Variants in ZNF445 observed in about 807,000 individuals in gnomAD.
ZNF445 encodes zinc finger protein 445.
ZNF445 carries 19 observed loss-of-function variants against 93.9 expected under a neutral mutation model. The observed-to-expected ratio is 0.20, with a 90% CI of 0.14 to 0.30. The LOEUF (loss-of-function observed/expected upper bound fraction) is 0.30. ZNF445 is among the 10% of genes least tolerant of loss of function. The pLI is 1.00. For synonymous variants in ZNF445, 449 were observed against 446.3 expected (o/e 1.01, Z -0.08); for missense variants, 1,058 against 1,259.4 (o/e 0.84, Z 2.42).
At chr3:44,471,718 C>T (rs75297960) in intron 1 of ZNF445, among the ~76,000 whole-genome samples, 16,576 of 152,214 alleles carry the variant, frequency 0.11, 951 homozygotes, top group Middle Eastern at 0.19. Flanking sequence ...AAAGAAACTA[C>T]AGCCCTACTC....
chr3:44,464,300 A>G (rs756719069), intron 1 of ZNF445, among the ~76,000 whole-genome samples: 3 of 152,162 alleles, frequency 2.0e-5, no homozygotes, highest in Non-Finnish European at 4.4e-5. Context: ...CTAGAAATAC[A>G]TGCTTTCCTG....
rs201217448 is a variant in ZNF445 at position 44,465,407 on chromosome 3, T to G, written c.-268-7043A>C. 2.0e-5 allele frequency among the ~76,000 whole-genome samples: 3 copies of G among 152,214 alleles called. No homozygotes were observed. In the East Asian group the frequency reaches 5.8e-4, roughly 29 times the overall value. Reference sequence around the variant, plus strand: ...GGGTGTAAACAAGTTGGCTAAGATTTAAAAGAAATTATTTAGTTTTCCACA... The same window carrying G: ...GGGTGTAAACAAGTTGGCTAAGATTGAAAAGAAATTATTTAGTTTTCCACA... On this transcript the variant is annotated intron_variant, in intron 1 of 7. Coordinates refer to ENST00000396077, the MANE Select transcript of ZNF445 (RefSeq NM_181489.6).
intron 3 of ZNF445, among the ~76,000 whole-genome samples, chr3:44,453,191 G>A (rs539839018): frequency 2.6e-5 from 4 of 151,518 alleles, no homozygotes; most frequent in East Asian, 1.9e-4. Context: ...GATTACAGGC[G>A]TGAGCCACCG....
chr3:44,446,500 C>A lies in ZNF445; in HGVS notation c.*75G>T. ...GGCTGGGCCCTTTATCAAAGTTACT[C>A]CACAATGCCTATAATTAAGGGTTCT... On this transcript the variant is annotated 3_prime_UTR_variant, in exon 8 of 8. Coordinates refer to ENST00000396077, the MANE Select transcript of ZNF445 (RefSeq NM_181489.6). This position sits in a 1 kb window ranked among gnomAD's most constrained non-coding sequence, Gnocchi z 4.2. 1 of 1,585,126 alleles carries A rather than the reference C, an allele frequency of 6.3e-7. No individual in the cohort carries two copies. The highest frequency in any genetic ancestry group is 1.4e-5 in the African/African-American group (1 of 73,218).
intron 1 of ZNF445, among the ~76,000 whole-genome samples, chr3:44,462,187 T>C (rs945879788): frequency 2.6e-5 from 4 of 152,166 alleles, no homozygotes; most frequent in Admixed American, 2.6e-4. Context: ...CCCCTATAAG[T>C]CCACTTTTCA....
chr3:44,475,793 G>A (rs902969995), intron 1 of ZNF445, among the ~76,000 whole-genome samples: 2 of 152,140 alleles, frequency 1.3e-5, no homozygotes, highest in Non-Finnish European at 2.9e-5. Context: ...GAGGTCGGGA[G>A]TTCGAGACCA....
In ZNF445 at chr3:44,448,066, G is replaced by A; in HGVS notation, c.1605C>T (p.His535=). 6.2e-7 allele frequency: 1 copy of A among 1,612,670 alleles called. No individual in the cohort carries two copies. The highest frequency in any genetic ancestry group is 8.5e-7 in the Non-Finnish European group (1 of 1,180,026). The change falls in exon 8 of 8, where the codon CAC becomes CAT. Residue 535 remains histidine, a synonymous_variant. Transcript: ENST00000396077. The stretch of plus-strand genomic sequence containing the variant: ...CGCATTTATAAGGCTTCACTCCAGT[G>A]TGAATTTTCTCATGCCGCGCACAGT... ...SSNCARHEKI[H]TGVKPYKCDL... is the part of the protein sequence containing the mutation.
At position 44,438,123 on chromosome 3, in the gene ZNF445, G is replaced by C. The variant is rs1697726223; in HGVS notation, c.*8452C>G. ...AATTGGCAAAATTATGCAATTTGGAGAGTACTGTATCTCCTCAGTCACATT... is the reference window on the plus strand; with the variant it reads ...AATTGGCAAAATTATGCAATTTGGACAGTACTGTATCTCCTCAGTCACATT... On this transcript the variant is annotated 3_prime_UTR_variant, in exon 8 of 8. Coordinates refer to ENST00000396077, the MANE Select transcript of ZNF445 (RefSeq NM_181489.6). 6.6e-6 allele frequency: 1 copy of C among 151,536 alleles called. No homozygotes were observed. The highest frequency in any genetic ancestry group is 1.5e-5 in the Non-Finnish European group (1 of 67,970). 9.4% of individuals were successfully genotyped at this position (151,536 alleles called of 1,614,324 possible). A position where few individuals can be genotyped will look rare whatever the true frequency, so the allele number is the denominator to read the frequency against.
chr3:44,459,255 C>T (rs1002885723), intron 1 of ZNF445, among the ~76,000 whole-genome samples: 1 of 152,142 alleles, frequency 6.6e-6, no homozygotes, highest in African/African-American at 2.4e-5. Context: ...ATGTGTTTCC[C>T]TGAGTTTTGT....
At chr3:44,464,201 T>G (rs938794851) in intron 1 of ZNF445, among the ~76,000 whole-genome samples, 2 of 152,164 alleles carry the variant, frequency 1.3e-5, no homozygotes, top group African/African-American at 4.8e-5. Flanking sequence ...TTCCCTTATT[T>G]TGGGGATCCA....
At position 44,447,148 on chromosome 3, in the gene ZNF445, C is replaced by G; in HGVS notation, c.2523G>C (p.Trp841Cys). ...TAAAGGTTTTCCCACATTCTTGACA[C>G]CAAAAACGTTTCTCACCAGTGAGGA... ...PKILTGEKRF[W>C]CQECGKTFTR... The change falls in exon 8 of 8, where the codon TGG becomes TGC. Residue 841 changes from tryptophan to cysteine, a missense_variant. Trp to Cys is a radical substitution (Grantham distance 215). Transcript: ENST00000396077. This position sits in a 1 kb window ranked among gnomAD's most constrained non-coding sequence, Gnocchi z 4.7. The G allele has an allele frequency of 4.3e-6, 7 of 1,614,212 alleles. No individual in the cohort carries two copies. The highest frequency in any genetic ancestry group is 5.9e-6 in the Non-Finnish European group (7 of 1,180,046).
chr3:44,433,338 G>A lies in ZNF445; in HGVS notation c.*13237C>T, dbSNP rs1170505374. 1.3e-5 allele frequency: 2 copies of A among 152,178 alleles called. No homozygotes were observed. The highest frequency in any genetic ancestry group is 4.8e-5 in the African/African-American group (2 of 41,416). The allele number at this position is 152,178 out of a possible 1,614,324, so 9.4% of individuals were successfully genotyped here. A position where few individuals can be genotyped will look rare whatever the true frequency, so the allele number is the denominator to read the frequency against. On this transcript the variant is annotated 3_prime_UTR_variant, in exon 8 of 8. Coordinates refer to ENST00000396077, the MANE Select transcript of ZNF445 (RefSeq NM_181489.6). Reference sequence around the variant, plus strand: ...GACTGGTCTCGAACTCCCGTTCTCAGGTGATCTGCCCACCTCAGCCTCCCA... The same window carrying A: ...GACTGGTCTCGAACTCCCGTTCTCAAGTGATCTGCCCACCTCAGCCTCCCA...
In ZNF445 at chr3:44,450,495, G is replaced by C; in HGVS notation, c.772C>G (p.Leu258Val). 2.5e-6 allele frequency: 4 copies of C among 1,614,154 alleles called. No homozygotes were observed. The highest frequency in any genetic ancestry group is 8.5e-7 in the Non-Finnish European group (1 of 1,180,028). The change falls in exon 6 of 8, where the codon CTG becomes GTG. Residue 258 changes from leucine (L) to valine (V), a missense_variant. Coordinates refer to ENST00000396077, the MANE Select transcript of ZNF445 (RefSeq NM_181489.6). Reference protein sequence around the residue: ...WGWLDSAQRNLYRDVMLENYR... With the variant: ...WGWLDSAQRNVYRDVMLENYR... Reference sequence around the variant, plus strand: ...TTCTCCAGCATCACATCCCTGTACAGGTTCCTCTGAGCAGAGTCCAGCCAC... The same window carrying C: ...TTCTCCAGCATCACATCCCTGTACACGTTCCTCTGAGCAGAGTCCAGCCAC...
chr3:44,462,028 T>C (rs1575314551), intron 1 of ZNF445, among the ~76,000 whole-genome samples: 2 of 150,344 alleles, frequency 1.3e-5, no homozygotes, highest in African/African-American at 4.9e-5. Context: ...TCTGGGTAAA[T>C]GGTAAATGTC....
intron 1 of ZNF445, among the ~76,000 whole-genome samples, chr3:44,462,919 G>C (rs1287139845): frequency 2.0e-5 from 3 of 151,466 alleles, no homozygotes; most frequent in Admixed American, 1.3e-4. Context: ...ACAAGCTGTA[G>C]GTATATTTAA....
chr3:44,455,063 C>G, intron 3 of ZNF445, 58 bp downstream of exon 3: 1 of 1,607,752 alleles, frequency 6.2e-7, no homozygotes, highest in South Asian at 1.1e-5. Context: ...CATCCCCAGA[C>G]AAGCTGGCTC....
At chr3:44,469,039 C>CA (rs58140525) in intron 1 of ZNF445, among the ~76,000 whole-genome samples, 981 of 66,886 alleles carry the variant, frequency 0.015, 5 homozygotes, top group African/African-American at 0.021. Flanking sequence ...GAGTCTGTCT[C>CA]AAAAAAAAAA....
chr3:44,464,107 C>G (rs1436680143), intron 1 of ZNF445, among the ~76,000 whole-genome samples: 1 of 152,014 alleles, frequency 6.6e-6, no homozygotes, highest in East Asian at 1.9e-4. Context: ...GCTTGGATGT[C>G]GCAGTGAGAC....
rs372305476 is a variant in ZNF445, at chr3:44,432,101, T to C, written c.*14474A>G. On this transcript the variant is annotated 3_prime_UTR_variant, in exon 8 of 8. Coordinates refer to ENST00000396077, the MANE Select transcript of ZNF445 (RefSeq NM_181489.6). ...TTAGTAGAGACGGGGTTTCACCATG[T>C]TGGCCAGGCTGGTCTCGAACTCCTG... 23 of 152,292 alleles carry C rather than the reference T, an allele frequency of 1.5e-4. No individual in the cohort carries two copies. Among genetic ancestry groups the C allele is most frequent in the Admixed American group, 6.5e-4 (10 of 15,294 alleles). The allele number at this position is 152,292 out of a possible 1,614,324, so 9.4% of individuals were successfully genotyped here.
Sources: gnomAD v4.1 joint callset for allele counts (sites outside exome capture counted in the v4.1 genomes callset) on GRCh38, gnomAD v4.1.1 for gene constraint, Gnocchi (gnomAD v3.1) non-coding constraint, MANE v1.5 for transcripts, NCBI Gene and HGNC (gene_info 2026-07-23, HGNC 2026-07-21) for gene names.